The following LYRM4 variants were observed in gnomAD, a reference collection of about 807,000 sequenced individuals.
LYRM4 encodes the protein LYR motif-containing protein 4.
LYRM4 carries 9 observed loss-of-function variants against 11.7 expected under a neutral mutation model. The observed-to-expected ratio is 0.77, with a 90% confidence interval of 0.46 to 1.34. The LOEUF is 1.34. Among genes scored for constraint, LYRM4 ranks in the 40% most tolerant of loss-of-function variants. The pLI, the probability that LYRM4 is intolerant of heterozygous loss-of-function variation, is 0.00. For missense variants in LYRM4, 133 were observed against 112.5 expected (o/e 1.18, Z -0.82); for synonymous variants, 42 against 40.4 (o/e 1.04, Z -0.15).
At chr6:5,158,414 T>C (rs1758545055) in intron 2 of LYRM4, among the ~76,000 whole-genome samples, 1 of 151,532 alleles carries the variant, frequency 6.6e-6, no homozygotes, top group Non-Finnish European at 1.5e-5. Context: ...CAGAGTGAGA[T>C]AAATTGGCTA....
chr6:5,224,234 A>G (rs2127733742), intron 1 of LYRM4, among the ~76,000 whole-genome samples: 1 of 152,384 alleles, frequency 6.6e-6, no homozygotes, highest in East Asian at 1.9e-4. Flanking sequence ...AGACCACAGT[A>G]AATAAATTAG....
chr6:5,238,528 T>C (rs976090941), intron 1 of LYRM4, among the ~76,000 whole-genome samples: 2 of 152,224 alleles, frequency 1.3e-5, no homozygotes. Flanking sequence ...AGCATTTAAA[T>C]AGGAGTAAGT....
chr6:5,138,619 T>G, intron 2 of LYRM4: 1 of 883,518 alleles, frequency 1.1e-6, no homozygotes, highest in Non-Finnish European at 1.7e-6. Context: ...AAGAAAACCT[T>G]ATATACTATG....
intron 2 of LYRM4, among the ~76,000 whole-genome samples, chr6:5,174,320 C>T (rs1581435543): frequency 6.6e-6 from 1 of 152,146 alleles, no homozygotes; most frequent in East Asian, 1.9e-4. Context: ...AATTTTACCC[C>T]TACAGGGCAT....
chr6:5,043,450 T>C, the LYRM4 span: 1 of 152,156 alleles, frequency 6.6e-6, no homozygotes, highest in South Asian at 2.1e-4. Flanking sequence ...TTCTGTACTA[T>C]TTAGGGCAAA....
At position 5,125,086 on chromosome 6, in the gene LYRM4, A is replaced by G. The variant is rs180729776; in HGVS notation, c.208-15595T>C. Among the ~76,000 whole-genome samples, 118 of 152,292 alleles carry G rather than the reference A, an allele frequency of 7.7e-4. 1 individual carries two copies. The highest frequency in any genetic ancestry group is 2.4e-3 in the African/African-American group (101 of 41,576). ...TCATCTTCATACAAGAACTGTGAGC[A>G]TCTTCCTGGCCTTGCTGACGTGGCT... On this transcript the variant is annotated intron_variant, in intron 2 of 2. Transcript: ENST00000330636.
At chr6:5,077,817 G>A in the LYRM4 span, among the ~76,000 whole-genome samples, 1 of 152,060 alleles carries the variant, frequency 6.6e-6, no homozygotes, top group Admixed American at 6.5e-5. Context: ...ACAACTAATG[G>A]AATCACATAA....
At chr6:5,097,145 CTGG>C in the LYRM4 span, among the ~76,000 whole-genome samples, 1 of 152,230 alleles carries the variant, frequency 6.6e-6, no homozygotes, top group Non-Finnish European at 1.5e-5. Flanking sequence ...GGCCTTCTTG[CTGG>C]TGGAGACTCT....
At chr6:5,086,681 G>C in the LYRM4 span, 3 of 824,492 alleles carry the variant, frequency 3.6e-6, no homozygotes, top group Non-Finnish European at 5.5e-6. Flanking sequence ...CGTGAGGGGC[G>C]CGTGGAGGGA....
At chr6:5,055,376 A>C in the LYRM4 span, among the ~76,000 whole-genome samples, 3 of 152,204 alleles carry the variant, frequency 2.0e-5, no homozygotes, top group African/African-American at 7.2e-5. This position sits in a 1 kb window ranked among gnomAD's most constrained non-coding sequence, Gnocchi z 4.5. Flanking sequence ...TAATTGAGAT[A>C]AGTCTCAAAT....
intron 2 of LYRM4, among the ~76,000 whole-genome samples, chr6:5,122,607 C>T (rs374078674): frequency 3.9e-5 from 6 of 152,210 alleles, no homozygotes; most frequent in Middle Eastern, 3.2e-3. Context: ...GCCCCTTCCC[C>T]GTTGGGCTCC....
intron 2 of LYRM4, among the ~76,000 whole-genome samples, chr6:5,175,188 C>T (rs539537022): frequency 6.6e-6 from 1 of 152,304 alleles, no homozygotes; most frequent in East Asian, 1.9e-4. Context: ...CAAAGAGGGG[C>T]TCAGAGCCAG....
intron 2 of LYRM4, among the ~76,000 whole-genome samples, chr6:5,128,883 G>A (rs1763814856): frequency 6.6e-6 from 1 of 152,220 alleles, no homozygotes; most frequent in Non-Finnish European, 1.5e-5. Context: ...AGCAGAGAAG[G>A]GCCTGGGGCT....
intron 2 of LYRM4, chr6:5,113,469 T>C: frequency 3.1e-6 from 1 of 320,764 alleles, no homozygotes; most frequent in Non-Finnish European, 6.3e-6. Context: ...GAAGGAGGAG[T>C]GGCAGAAGTT....
chr6:5,086,703 C>T, the LYRM4 span: 2 of 707,944 alleles, frequency 2.8e-6, no homozygotes, highest in Non-Finnish European at 4.6e-6. Flanking sequence ...AGGAGGGAGA[C>T]TTTGAACCGT....
chr6:5,260,611 G>GGGCCCCCCCC, intron 1 of LYRM4, 37 bp downstream of exon 1: 1 of 1,377,684 alleles, frequency 7.3e-7, no homozygotes, highest in Non-Finnish European at 9.8e-7. Context: ...CCGGCCCCTG[G>GGGCCCCCCCC]CCCCCCGCCC....
In LYRM4 at chr6:5,167,971, T is replaced by G. The variant is rs530969635; in HGVS notation, c.207+48647A>C. ...ATGTGTTCAGAGACTAATGGGGCCA[T>G]GTCAGAGGGACACAGGAACGGGGTT... On this transcript the variant is annotated intron_variant, in intron 2 of 2. Coordinates refer to ENST00000330636, the MANE Select transcript of LYRM4 (RefSeq NM_020408.6). Among the ~76,000 whole-genome samples the G allele has an allele frequency of 2.0e-5, 3 of 152,140 alleles. No homozygotes were observed. In the South Asian group the frequency reaches 6.2e-4, roughly 32 times the overall value.
At chr6:5,188,250 T>C (rs115589188) in intron 2 of LYRM4, among the ~76,000 whole-genome samples, 553 of 151,858 alleles carry the variant, frequency 3.6e-3, no homozygotes, top group Middle Eastern at 0.014. Flanking sequence ...CATGTGCCTA[T>C]GGCATGAGGT....
chr6:5,201,257 G>C (rs750120637), intron 2 of LYRM4, among the ~76,000 whole-genome samples: 2 of 152,016 alleles, frequency 1.3e-5, no homozygotes, highest in Non-Finnish European at 2.9e-5. Flanking sequence ...TCCCCATCAA[G>C]GATGGGGACA....
Sources: allele counts gnomAD v4.1 joint callset (sites outside exome capture counted in the v4.1 genomes callset), GRCh38; gene constraint gnomAD v4.1.1; non-coding constraint Gnocchi (gnomAD v3.1); transcripts MANE v1.5; gene names NCBI Gene and HGNC (gene_info 2026-07-23, HGNC 2026-07-21).